WFS1: variants seen among roughly 807,000 people sequenced by gnomAD.
The protein encoded by WFS1 is wolframin.
Under a neutral mutation model 68.5 loss-of-function variants are expected in WFS1, and 90 were observed. The ratio of observed to expected loss-of-function variants is 1.31; its 90% CI spans 1.11 to 1.56. WFS1 has a LOEUF of 1.56. WFS1 is among the 40% of genes most tolerant of loss of function. WFS1 has a pLI of 0.00. For missense variants in WFS1, 1,767 were observed against 1,232.6 expected (o/e 1.43, Z -6.49); for synonymous variants, 860 against 540.7 (o/e 1.59, Z -8.19).
At chr4:6,282,587 T>C (rs1299283764) in intron 2 of WFS1, among the ~76,000 whole-genome samples, 1 of 152,176 alleles carries the variant, frequency 6.6e-6, no homozygotes, top group African/African-American at 2.4e-5. Context: ...TCCAAAAATT[T>C]TTAAACACTA....
chr4:6,299,259 C>G (rs1730754414), intron 7 of WFS1, among the ~76,000 whole-genome samples: 1 of 152,224 alleles, frequency 6.6e-6, no homozygotes, highest in African/African-American at 2.4e-5. Context: ...TGAGGCTGCT[C>G]CCAGCATGCC....
chr4:6,301,884 A>G lies in WFS1; in HGVS notation c.2089A>G (p.Arg697Gly), dbSNP rs1403912314. 2 of 1,612,858 alleles carry G rather than the reference A, an allele frequency of 1.2e-6. No homozygotes were observed. The highest frequency in any genetic ancestry group is 1.7e-6 in the Non-Finnish European group (2 of 1,179,808). ...QILCSHLEGH[R>G]VTWTGRFKYV... ...CCTCTGCAGCCACCTGGAGGGCCAC[A>G]GGGTCACGTGGACCGGCCGCTTCAA... is the stretch of plus-strand genomic sequence containing the variant. Residue 697 changes from arginine (R) to glycine (G), a missense_variant, in exon 8 of 8, where the codon AGG becomes GGG. Arg to Gly is a moderately radical substitution (Grantham distance 125). Coordinates refer to ENST00000226760, the MANE Select transcript of WFS1 (RefSeq NM_006005.3).
intron 1 of WFS1, among the ~76,000 whole-genome samples, chr4:6,276,520 G>A (rs1003324537): frequency 1.3e-5 from 2 of 152,092 alleles, no homozygotes; most frequent in Non-Finnish European, 2.9e-5. Flanking sequence ...CTCTGACTTC[G>A]GTGCTGTGGC....
Position 6,302,759 on chromosome 4 carries a change from T to G in WFS1, c.*291T>G. The stretch of plus-strand genomic sequence containing the variant: ...GCCAGGCTAGACTAGGAGGTTCCGG[T>G]GTCTGGAAAAGCACTTTACAGATGA... On this transcript the variant is annotated 3_prime_UTR_variant, in exon 8 of 8. Coordinates refer to ENST00000226760, the MANE Select transcript of WFS1 (RefSeq NM_006005.3). 1.9e-6 allele frequency: 1 copy of G among 531,776 alleles called. No homozygotes were observed. Among genetic ancestry groups the G allele is most frequent in the Non-Finnish European group, 3.3e-6 (1 of 300,172 alleles). 32.9% of individuals were successfully genotyped at this position (531,776 alleles called of 1,614,324 possible). A position where few individuals can be genotyped will look rare whatever the true frequency, so the allele number is the denominator to read the frequency against.
At position 6,301,050 on chromosome 4, in the gene WFS1, T is replaced by C. The variant is rs1730874579; in HGVS notation, c.1255T>C (p.Phe419Leu). ...LLSVFFVIFS[F>L]PIASKDCIPC... ...CTCTGTCTTCTTCGTCATCTTCTCC[T>C]TCCCCATCGCCAGCAAGGACTGCAT... is the stretch of plus-strand genomic sequence containing the variant. Residue 419 changes from phenylalanine to leucine, a missense_variant, in exon 8 of 8, where the codon TTC (phenylalanine) becomes CTC (leucine). Physicochemically the swap from Phe to Leu is conservative, Grantham distance 22. Coordinates refer to ENST00000226760, the MANE Select transcript of WFS1 (RefSeq NM_006005.3). 1 of 1,614,154 alleles carries C rather than the reference T, an allele frequency of 6.2e-7. No individual in the cohort carries two copies. The highest frequency in any genetic ancestry group is 1.3e-5 in the African/African-American group (1 of 75,046).
chr4:6,302,527 G>A lies in WFS1; in HGVS notation c.*59G>A. ...TTGCCATGAGGCCTTTCCCCAGTGT[G>A]GCCCCAGCCCGACAGGCATGCACCA... On this transcript the variant is annotated 3_prime_UTR_variant, in exon 8 of 8. Transcript: ENST00000226760. The A allele has an allele frequency of 6.2e-7, 1 of 1,603,874 alleles. No individual in the cohort carries two copies. Among genetic ancestry groups the A allele is most frequent in the African/African-American group, 1.3e-5 (1 of 75,002 alleles).
intron 7 of WFS1, among the ~76,000 whole-genome samples, chr4:6,297,543 C>T (rs138026594): frequency 6.6e-5 from 10 of 152,280 alleles, no homozygotes; most frequent in Admixed American, 4.6e-4. Flanking sequence ...AGATCCGACA[C>T]GGGAACATTT....
intron 2 of WFS1, among the ~76,000 whole-genome samples, chr4:6,285,454 C>T (rs1349299057): frequency 1.3e-5 from 2 of 152,106 alleles, no homozygotes; most frequent in Non-Finnish European, 2.9e-5. Flanking sequence ...GTTGTCCATC[C>T]ACAGGGCTGG....
At chr4:6,272,977 A>G (rs1363279628) in intron 1 of WFS1, among the ~76,000 whole-genome samples, 1 of 152,210 alleles carries the variant, frequency 6.6e-6, no homozygotes, top group Non-Finnish European at 1.5e-5. Context: ...GTGCCATATG[A>G]TGGACATTGT....
Position 6,301,754 on chromosome 4 carries a change from C to T in WFS1, c.1959C>T (p.Arg653=). 3.7e-6 allele frequency: 6 copies of T among 1,613,852 alleles called. No individual in the cohort carries two copies. Among genetic ancestry groups the T allele is most frequent in the Non-Finnish European group, 5.1e-6 (6 of 1,180,040 alleles). Residue 653 remains arginine, a synonymous_variant, in exon 8 of 8, where the codon CGC becomes CGT. Transcript: ENST00000226760. ...IVLFCWFYVY[R]SEGMKVYNST... ...TGTTCTGCTGGTTCTATGTGTACCG[C>T]TCAGAGGGCATGAAGGTCTACAACT...
rs760240690 is a variant in WFS1 at position 6,283,873 on chromosome 4, G to A, written c.233-3220G>A. 1.4e-4 allele frequency among the ~76,000 whole-genome samples: 21 copies of A among 152,238 alleles called. No homozygotes were observed. Among genetic ancestry groups the A allele is most frequent in the South Asian group, 6.2e-4 (3 of 4,802 alleles). On this transcript the variant is annotated intron_variant, in intron 2 of 7. Coordinates refer to ENST00000226760, the MANE Select transcript of WFS1 (RefSeq NM_006005.3). This position sits in a 1 kb window ranked among gnomAD's most constrained non-coding sequence, Gnocchi z 5.0. The stretch of plus-strand genomic sequence containing the variant: ...CGGAGGTCGAGCACACAGAAAACAC[G>A]TGTGTTTGATGGTTCTTGGTGGTCC...
Position 6,302,424 on chromosome 4 carries a change from T to G in WFS1, c.2629T>G (p.Phe877Val). 6.2e-7 allele frequency: 1 copy of G among 1,613,214 alleles called. No individual in the cohort carries two copies. The highest frequency in any genetic ancestry group is 1.3e-5 in the African/African-American group (1 of 75,078). The change falls in exon 8 of 8, where the codon TTC becomes GTC. Residue 877 changes from phenylalanine (F) to valine (V), a missense_variant. Phe to Val is a conservative substitution (Grantham distance 50). Transcript: ENST00000226760. ...WRSTVHGAVK[F>V]AFDFFFFPFL... The stretch of plus-strand genomic sequence containing the variant: ...CAGCACCGTGCATGGCGCCGTGAAG[T>G]TCGCCTTCGACTTCTTTTTCTTCCC...
chr4:6,277,799 A>C (rs974096831), intron 2 of WFS1, 112 bp downstream of exon 2: 13 of 1,220,840 alleles, frequency 1.1e-5, no homozygotes, highest in Admixed American at 5.9e-5. Context: ...GCAGTTCAGC[A>C]TTGTGCAGCT....
chr4:6,291,331 G>C lies in WFS1; in HGVS notation c.595G>C (p.Glu199Gln), dbSNP rs778592672. 6.2e-7 allele frequency: 1 copy of C among 1,613,330 alleles called. No homozygotes were observed. Among genetic ancestry groups the C allele is most frequent in the East Asian group, 2.2e-5 (1 of 44,864 alleles). Residue 199 changes from glutamate (E) to glutamine (Q), a missense_variant, in exon 5 of 8, where the codon GAG becomes CAG. Glu to Gln is a conservative substitution (Grantham distance 29, BLOSUM62 2). Coordinates refer to ENST00000226760, the MANE Select transcript of WFS1 (RefSeq NM_006005.3). ...PKKKKQVAVA[E>Q]LLENVGQVNE... ...GAAGAAGAAGCAGGTGGCCGTGGCG[G>C]AGCTGCTGGAGAATGTCGGCCAGGT...
At chr4:6,293,135 CTCTGGG>C (rs1251994714) in intron 6 of WFS1, among the ~76,000 whole-genome samples, 3 of 152,196 alleles carry the variant, frequency 2.0e-5, no homozygotes, top group African/African-American at 7.2e-5. Flanking sequence ...AGTGAGGTGC[CTCTGGG>C]CAGGAGCAGC....
At chr4:6,281,627 C>T (rs10028718) in intron 2 of WFS1, among the ~76,000 whole-genome samples, 10,931 of 151,974 alleles carry the variant, frequency 0.072, 467 homozygotes, top group African/African-American at 0.098. Flanking sequence ...TGGTTCCCGG[C>T]GGGGTCCGAG....
Position 6,301,250 on chromosome 4 carries a change from C to A in WFS1, c.1455C>A (p.Gly485=). The part of the protein sequence containing the change: ...PLNWPYLKVL[G]QTFITVPVGH... ...ATTGGCCCTACCTGAAGGTCCTTGG[C>A]CAGACCTTCATCACCGTGCCTGTCG... The change falls in exon 8 of 8, where the codon GGC becomes GGA. Residue 485 remains glycine (G), a synonymous_variant. Transcript: ENST00000226760. 6.2e-7 allele frequency: 1 copy of A among 1,611,414 alleles called. No individual in the cohort carries two copies. The highest frequency in any genetic ancestry group is 1.1e-5 in the South Asian group (1 of 91,080).
rs1241200514 is a variant in WFS1, at chr4:6,301,398, C to G, written c.1603C>G (p.Leu535Val). The G allele has an allele frequency of 5.0e-6, 8 of 1,612,510 alleles. No homozygotes were observed. Among genetic ancestry groups the G allele is most frequent in the African/African-American group, 1.3e-5 (1 of 74,948 alleles). The change falls in exon 8 of 8, where the codon CTG (leucine) becomes GTG (valine). Residue 535 changes from leucine to valine, a missense_variant. Coordinates refer to ENST00000226760, the MANE Select transcript of WFS1 (RefSeq NM_006005.3). The part of the protein sequence containing the change: ...KGTYCYLVPY[L>V]VCFMWCELSV... Reference sequence around the variant, plus strand: ...CACCTACTGCTACCTTGTGCCCTACCTGGTGTGCTTCATGTGGTGTGAGCT... The same window carrying G: ...CACCTACTGCTACCTTGTGCCCTACGTGGTGTGCTTCATGTGGTGTGAGCT...
intron 7 of WFS1, among the ~76,000 whole-genome samples, chr4:6,297,116 CTG>C (rs1223005119): frequency 1.3e-5 from 2 of 152,334 alleles, no homozygotes; most frequent in Admixed American, 6.5e-5. Flanking sequence ...GCGTGAGACA[CTG>C]TATCCAGCCT....
Sources: gnomAD v4.1 joint callset for allele counts (sites outside exome capture counted in the v4.1 genomes callset) on GRCh38, gnomAD v4.1.1 for gene constraint, Gnocchi (gnomAD v3.1) non-coding constraint, MANE v1.5 for transcripts, NCBI Gene and HGNC (gene_info 2026-07-23, HGNC 2026-07-21) for gene names.